TGFB2: variants seen among roughly 807,000 people sequenced by gnomAD.
TGFB2 encodes the protein transforming growth factor beta-2 proprotein.
In TGFB2, 13 loss-of-function variants were observed where a neutral mutation model predicts 42.7. The ratio of observed to expected loss-of-function variants is 0.30; its 90% CI spans 0.20 to 0.48. The LOEUF (loss-of-function observed/expected upper bound fraction) is 0.48. Ranked by LOEUF, TGFB2 falls within the 20% of genes least tolerant of loss-of-function variation. The probability of loss-of-function intolerance (pLI) is 0.99; values close to 1 mark genes in which losing one functional copy is unlikely to be tolerated. For missense variants in TGFB2, 390 were observed against 517.5 expected (o/e 0.75, Z 2.39); for synonymous variants, 193 against 193.6 (o/e 1.00, Z 0.03).
chr1:218,387,362 A>G (rs1409557811), intron 1 of TGFB2, among the ~76,000 whole-genome samples: 1 of 152,162 alleles, frequency 6.6e-6, no homozygotes, highest in East Asian at 1.9e-4. Flanking sequence ...AAATGTATCA[A>G]GACTGTGCAC....
At position 218,405,199 on chromosome 1, in the gene TGFB2, A is replaced by C; in HGVS notation, c.377A>C (p.Tyr126Ser). Residue 126 changes from tyrosine (Y) to serine (S), a missense_variant, in exon 2 of 7, where the codon TAC becomes TCC. Physicochemically the swap from Tyr to Ser is moderately radical, Grantham distance 144 (BLOSUM62 -2). Coordinates refer to ENST00000366930, the MANE Select transcript of TGFB2 (RefSeq NM_003238.6). ...NAIPPTFYRP[Y>S]FRIVRFDVSA... ...ATCCCGCCCACTTTCTACAGACCCT[A>C]CTTCAGAATTGTTCGATTTGACGTC... is the stretch of plus-strand genomic sequence containing the variant. 1 of 1,607,498 alleles carries C rather than the reference A, an allele frequency of 6.2e-7. No homozygotes were observed. Among genetic ancestry groups the C allele is most frequent in the Non-Finnish European group, 8.5e-7 (1 of 1,174,812 alleles).
intron 1 of TGFB2, among the ~76,000 whole-genome samples, chr1:218,391,463 A>C (rs890601991): frequency 6.6e-6 from 1 of 152,134 alleles, no homozygotes; most frequent in Non-Finnish European, 1.5e-5. Context: ...ACCTAAACAA[A>C]CTTGAAGACC....
chr1:218,436,232 C>A, intron 5 of TGFB2, 85 bp downstream of exon 5: 1 of 1,418,276 alleles, frequency 7.1e-7, no homozygotes, highest in Non-Finnish European at 9.6e-7. Context: ...TGTATTGACC[C>A]AAGTGGAACT....
At chr1:218,380,232 G>A (rs2102565351) in intron 1 of TGFB2, among the ~76,000 whole-genome samples, 1 of 152,298 alleles carries the variant, frequency 6.6e-6, no homozygotes, top group Middle Eastern at 3.4e-3. Flanking sequence ...GCAGTACAGT[G>A]TAATGATTAA....
chr1:218,400,995 A>G (rs966896938), intron 1 of TGFB2, among the ~76,000 whole-genome samples: 13 of 152,020 alleles, frequency 8.6e-5, no homozygotes, highest in Non-Finnish European at 1.8e-4. Context: ...GTCCCATAAG[A>G]CCTCGCTTAC....
At chr1:218,415,556 G>T (rs908708305) in intron 2 of TGFB2, among the ~76,000 whole-genome samples, 1 of 151,882 alleles carries the variant, frequency 6.6e-6, no homozygotes, top group Non-Finnish European at 1.5e-5. Flanking sequence ...TTAGCCAGGC[G>T]TGGTGGCGGG....
intron 1 of TGFB2, among the ~76,000 whole-genome samples, chr1:218,396,151 C>A (rs557495552): frequency 6.6e-6 from 1 of 152,134 alleles, no homozygotes; most frequent in Non-Finnish European, 1.5e-5. Context: ...GTTAGACCAT[C>A]ATAGTCTAGG....
chr1:218,351,343 C>T (rs924619589), intron 1 of TGFB2, among the ~76,000 whole-genome samples: 3 of 152,082 alleles, frequency 2.0e-5, no homozygotes, highest in Admixed American at 6.6e-5. Flanking sequence ...AAAAAGAGAG[C>T]GTATCAAAGA....
chr1:218,423,104 CA>C (rs1330850322), intron 2 of TGFB2, among the ~76,000 whole-genome samples: 17 of 152,186 alleles, frequency 1.1e-4, no homozygotes, highest in Admixed American at 9.8e-4. Flanking sequence ...GTAGGTAAGC[CA>C]AGAAATGCTC....
chr1:218,444,212 C>T lies in TGFB2; in HGVS notation c.*2850C>T, dbSNP rs571440594. ...GAAATCCCTGTGCCGTCTTTTTATT[C>T]CCTTATTTATTGCTATTTGGTAATT... On this transcript the variant is annotated 3_prime_UTR_variant, in exon 7 of 7. Transcript: ENST00000366930. The T allele has an allele frequency of 1.3e-5, 2 of 152,102 alleles. No individual in the cohort carries two copies. The highest frequency in any genetic ancestry group is 4.8e-5 in the African/African-American group (2 of 41,418). The allele number at this position is 152,102 out of a possible 1,614,324, so 9.4% of individuals were successfully genotyped here. A position where few individuals can be genotyped will look rare whatever the true frequency, so the allele number is the denominator to read the frequency against.
chr1:218,408,673 G>A (rs1370583375), intron 2 of TGFB2, among the ~76,000 whole-genome samples: 1 of 152,112 alleles, frequency 6.6e-6, no homozygotes, highest in East Asian at 1.9e-4. Flanking sequence ...GTCTTTTATT[G>A]CTTCAACTAG....
At chr1:218,405,679 G>C (rs1658889927) in intron 2 of TGFB2, 1 of 346,478 alleles carries the variant, frequency 2.9e-6, no homozygotes, top group African/African-American at 2.1e-5. Context: ...CATTTAGGTT[G>C]TTGTAATGGG....
intron 1 of TGFB2, among the ~76,000 whole-genome samples, chr1:218,392,312 C>T (rs1399382346): frequency 1.3e-5 from 2 of 152,182 alleles, no homozygotes; most frequent in African/African-American, 4.8e-5. Context: ...GAGATCATGC[C>T]ACTGCACTCC....
At position 218,371,926 on chromosome 1, in the gene TGFB2, C is replaced by G. The variant is rs567942115; in HGVS notation, c.346+24879C>G. On this transcript the variant is annotated intron_variant, in intron 1 of 6. Coordinates refer to ENST00000366930, the MANE Select transcript of TGFB2 (RefSeq NM_003238.6). ...GACCCACCAGGGTGATTGTTTAGAG[C>G]CACGTTCCTACCTGTTGTTTCCGGT... Among the ~76,000 whole-genome samples, 139 of 152,326 alleles carry G rather than the reference C, an allele frequency of 9.1e-4. 1 individual carries two copies. The highest frequency in any genetic ancestry group is 3.3e-3 in the African/African-American group (137 of 41,578).
At chr1:218,416,238 C>A (rs1361258854) in intron 2 of TGFB2, among the ~76,000 whole-genome samples, 1 of 152,044 alleles carries the variant, frequency 6.6e-6, no homozygotes, top group Non-Finnish European at 1.5e-5. Flanking sequence ...CCCTGCTCCA[C>A]CACCACACAA....
At chr1:218,381,969 A>G (rs1453745181) in intron 1 of TGFB2, among the ~76,000 whole-genome samples, 3 of 152,186 alleles carry the variant, frequency 2.0e-5, no homozygotes, top group African/African-American at 4.8e-5. Context: ...CTTATGTTTT[A>G]CTTTCATCAT....
chr1:218,414,150 G>T (rs1208720972), intron 2 of TGFB2, among the ~76,000 whole-genome samples: 1 of 152,076 alleles, frequency 6.6e-6, no homozygotes, highest in East Asian at 1.9e-4. Context: ...GAAAGGTGGG[G>T]TTTTTGTCAT....
Position 218,434,468 on chromosome 1 carries a change from A to T in TGFB2, c.754+20A>T. 7 of 1,464,100 alleles carry T rather than the reference A, an allele frequency of 4.8e-6. No individual in the cohort carries two copies. Among genetic ancestry groups the T allele is most frequent in the Non-Finnish European group, 5.7e-6 (6 of 1,045,130 alleles). The allele number at this position is 1,464,100 out of a possible 1,614,324, so 90.7% of individuals were successfully genotyped here. ...TTGCAGGTAACCAAAACTTGGTCAT[A>T]TGAGGTGGGGGAGGGAAGGGTCTAT... is the stretch of plus-strand genomic sequence containing the variant. On this transcript the variant is annotated intron_variant, in intron 4 of 6. Coordinates refer to ENST00000366930, the MANE Select transcript of TGFB2 (RefSeq NM_003238.6).
intron 1 of TGFB2, among the ~76,000 whole-genome samples, chr1:218,403,219 G>C (rs1658790215): frequency 6.6e-6 from 1 of 151,950 alleles, no homozygotes. Context: ...TTTTTTGTTT[G>C]TTTGTTTGTT....
Sources: allele counts gnomAD v4.1 joint callset (sites outside exome capture counted in the v4.1 genomes callset), GRCh38; gene constraint gnomAD v4.1.1; transcripts MANE v1.5; gene names NCBI Gene and HGNC (gene_info 2026-07-23, HGNC 2026-07-21).